TMTC1: variants seen among roughly 807,000 people sequenced by gnomAD.
TMTC1 encodes the protein protein O-mannosyl-transferase TMTC1.
Under a neutral mutation model 104.8 loss-of-function variants are expected in TMTC1, and 73 were observed. The ratio of observed to expected loss-of-function variants is 0.70; its 90% CI spans 0.58 to 0.85. The LOEUF (loss-of-function observed/expected upper bound fraction) is 0.85. TMTC1 is among the 40% of genes least tolerant of loss of function. The probability of loss-of-function intolerance (pLI) is 0.00; values close to 1 mark genes in which losing one functional copy is unlikely to be tolerated. For synonymous variants in TMTC1, 434 were observed against 428.7 expected, an observed-to-expected ratio of 1.01 and a Z score of -0.15; for missense variants, 1,035 against 1,096.1, an observed-to-expected ratio of 0.94 and a Z score of 0.79.
intron 5 of TMTC1, among the ~76,000 whole-genome samples, chr12:29,664,616 ACTAAT>A (rs1206492224): frequency 6.6e-5 from 10 of 152,246 alleles, no homozygotes; most frequent in Non-Finnish European, 4.4e-5. Context: ...TGTCCCAGAC[ACTAAT>A]CTAAGTGATT....
intron 10 of TMTC1, among the ~76,000 whole-genome samples, chr12:29,548,814 T>TA (rs1565662611): frequency 8.9e-3 from 3 of 338 alleles, no homozygotes; most frequent in East Asian, 0.083. Flanking sequence ...AGTATAAAGG[T>TA]TATATATTGC....
At chr12:29,601,222 G>GAT (rs1400330606) in intron 7 of TMTC1, among the ~76,000 whole-genome samples, 1 of 152,154 alleles carries the variant, frequency 6.6e-6, no homozygotes. Flanking sequence ...GGGGTTGGAG[G>GAT]ATATACCTGC....
intron 7 of TMTC1, among the ~76,000 whole-genome samples, chr12:29,601,016 G>A (rs1038860061): frequency 7.9e-5 from 12 of 152,194 alleles, no homozygotes; most frequent in African/African-American, 2.4e-4. Flanking sequence ...AAGCAAAACC[G>A]AGGTTGGTTC....
chr12:29,743,909 A>T (rs952203946), intron 5 of TMTC1, among the ~76,000 whole-genome samples: 1 of 152,204 alleles, frequency 6.6e-6, no homozygotes, highest in Non-Finnish European at 1.5e-5. Context: ...GTGTTCTGCA[A>T]AAGAAGAGAG....
chr12:29,775,688 T>C (rs771063959), intron 1 of TMTC1, among the ~76,000 whole-genome samples: 3 of 152,140 alleles, frequency 2.0e-5, no homozygotes, highest in Admixed American at 6.5e-5. Context: ...TCCCAGTATG[T>C]AGGCACAATT....
chr12:29,621,335 G>A (rs535383768), intron 6 of TMTC1, among the ~76,000 whole-genome samples: 1 of 152,166 alleles, frequency 6.6e-6, no homozygotes, highest in Non-Finnish European at 1.5e-5. Context: ...TGAGCTAAAT[G>A]CAAAATAATT....
rs181896674 is a variant in TMTC1, at chr12:29,775,046, G to C, written c.303-6971C>G. ...CTAGAGTAATAGTACAGTTATTAGA[G>C]TAATAACTGTACTAAAGAAAGGGTA... On this transcript the variant is annotated intron_variant, in intron 1 of 17. Transcript: ENST00000539277. 5.3e-3 allele frequency among the ~76,000 whole-genome samples: 807 copies of C among 152,160 alleles called. 8 individuals carry two copies. The highest frequency in any genetic ancestry group is 0.018 in the African/African-American group (743 of 41,520).
chr12:29,510,626 A>G (rs1943806716), intron 17 of TMTC1, among the ~76,000 whole-genome samples: 1 of 152,088 alleles, frequency 6.6e-6, no homozygotes, highest in African/African-American at 2.4e-5. Flanking sequence ...CATTTGTGTA[A>G]TCGTAGGTCA....
At chr12:29,769,930 G>A (rs999015236) in intron 1 of TMTC1, among the ~76,000 whole-genome samples, 3 of 151,590 alleles carry the variant, frequency 2.0e-5, no homozygotes, top group Admixed American at 2.0e-4. Context: ...ATATACATAA[G>A]TATATATACA....
intron 3 of TMTC1, among the ~76,000 whole-genome samples, chr12:29,757,646 G>A (rs1449921311): frequency 2.6e-5 from 4 of 152,114 alleles, no homozygotes; most frequent in Non-Finnish European, 4.4e-5. Flanking sequence ...TTTCCAGGTT[G>A]TATTAGTCTG....
At chr12:29,755,631 T>G in intron 4 of TMTC1, 78 bp downstream of exon 4, 1 of 1,261,316 alleles carries the variant, frequency 7.9e-7, no homozygotes, top group African/African-American at 1.6e-5. Flanking sequence ...ATTTTTTAAA[T>G]GGAAGTTTGG....
intron 17 of TMTC1, among the ~76,000 whole-genome samples, 179 bp from the exon 18 acceptor site, chr12:29,507,165 T>C (rs191351411): frequency 6.6e-6 from 1 of 152,290 alleles, no homozygotes; most frequent in East Asian, 1.9e-4. Context: ...CTCCATTTGT[T>C]TTAAGCACTA....
At position 29,783,790 on chromosome 12, in the gene TMTC1, G is replaced by A. The variant is rs1428165445; in HGVS notation, c.-39C>T. ...CCGCTGCTGCCCTGGCCTCTCCCGG[G>A]CGTCTGGCATCCTCCCCTACCGGGG... On this transcript the variant is annotated 5_prime_UTR_variant, in exon 1 of 18. Coordinates refer to ENST00000539277, the MANE Select transcript of TMTC1 (RefSeq NM_001193451.2). The surrounding 1 kb of genome is among the most constrained non-coding windows in gnomAD (Gnocchi z 4.7). 10 of 1,128,754 alleles carry A rather than the reference G, an allele frequency of 8.9e-6. No homozygotes were observed. Among genetic ancestry groups the A allele is most frequent in the Non-Finnish European group, 1.1e-5 (10 of 923,962 alleles). 69.9% of individuals were successfully genotyped at this position (1,128,754 alleles called of 1,614,324 possible).
At chr12:29,734,244 A>T (rs538823756) in intron 5 of TMTC1, among the ~76,000 whole-genome samples, 1 of 152,194 alleles carries the variant, frequency 6.6e-6, no homozygotes. Flanking sequence ...GAAAGTACAA[A>T]TTATTCACAG....
intron 1 of TMTC1, among the ~76,000 whole-genome samples, chr12:29,780,058 C>T (rs756149990): frequency 5.3e-5 from 8 of 152,304 alleles, no homozygotes; most frequent in East Asian, 1.9e-4. Flanking sequence ...TCAGACACTG[C>T]GGCTAGGAAC....
intron 10 of TMTC1, among the ~76,000 whole-genome samples, chr12:29,547,499 G>T (rs546814478): frequency 3.7e-4 from 56 of 152,254 alleles, no homozygotes; most frequent in African/African-American, 1.3e-3. Context: ...AGACATTCTC[G>T]TTATTTCCCA....
chr12:29,598,684 AT>A (rs561816362), intron 7 of TMTC1, among the ~76,000 whole-genome samples: 10 of 152,038 alleles, frequency 6.6e-5, no homozygotes, highest in African/African-American at 2.4e-4. Context: ...ATTCCCAAGT[AT>A]TTTTTTGTAG....
At chr12:29,686,261 C>A (rs75515976) in intron 5 of TMTC1, among the ~76,000 whole-genome samples, 11 of 152,160 alleles carry the variant, frequency 7.2e-5, no homozygotes, top group Non-Finnish European at 1.2e-4. Context: ...CTTCCATCTA[C>A]CCCTAATACT....
chr12:29,550,520 G>A (rs942845057), intron 10 of TMTC1, among the ~76,000 whole-genome samples: 16 of 152,034 alleles, frequency 1.1e-4, no homozygotes, highest in Non-Finnish European at 1.8e-4. Context: ...AAGTGTCAGC[G>A]GGAATGAGAG....
Sources: gnomAD v4.1 joint callset for allele counts (sites outside exome capture counted in the v4.1 genomes callset) on GRCh38, gnomAD v4.1.1 for gene constraint, Gnocchi (gnomAD v3.1) non-coding constraint, MANE v1.5 for transcripts, NCBI Gene and HGNC (gene_info 2026-07-23, HGNC 2026-07-21) for gene names.